Variants in GAB2 observed in about 807,000 individuals in gnomAD.
GAB2 encodes the protein GRB2 associated binding protein 2, also known as GRB2-associated-binding protein 2.
A neutral mutation model predicts 65.5 loss-of-function variants in GAB2; 26 were observed. The ratio of observed to expected loss-of-function variants is 0.40; its 90% CI spans 0.29 to 0.55. GAB2 has a LOEUF of 0.55. Among genes scored for constraint, GAB2 ranks in the 20% least tolerant of loss-of-function variants. GAB2 has a pLI of 0.53. For synonymous variants in GAB2, 321 were observed against 329.6 expected (o/e 0.97, Z 0.28); for missense variants, 884 against 875.8 (o/e 1.01, Z -0.12).
chr11:78,231,336 G>T (rs982665063), intron 3 of GAB2, among the ~76,000 whole-genome samples: 4 of 145,796 alleles, frequency 2.7e-5, no homozygotes, highest in Admixed American at 6.8e-5. Flanking sequence ...GCGCGTGTGT[G>T]GTGTGTGTGT....
chr11:78,255,768 G>A (rs1445350355), intron 2 of GAB2, among the ~76,000 whole-genome samples: 1 of 152,224 alleles, frequency 6.6e-6, no homozygotes, highest in African/African-American at 2.4e-5. Flanking sequence ...CTGATTAGTA[G>A]ACCTGGCACT....
chr11:78,351,583 T>C (rs1451519219), intron 1 of GAB2, among the ~76,000 whole-genome samples: 2 of 152,174 alleles, frequency 1.3e-5, no homozygotes, highest in African/African-American at 2.4e-5. Context: ...TCTCCTTCAA[T>C]AATCTCATTA....
chr11:78,322,740 C>T (rs1591037597), intron 1 of GAB2, among the ~76,000 whole-genome samples: 1 of 150,742 alleles, frequency 6.6e-6, no homozygotes, highest in South Asian at 2.1e-4. Context: ...AGAAATGCAA[C>T]TCAAAACCAC....
intron 1 of GAB2, among the ~76,000 whole-genome samples, chr11:78,402,050 G>C (rs1450239667): frequency 6.6e-6 from 1 of 152,136 alleles, no homozygotes; most frequent in African/African-American, 2.4e-5. Flanking sequence ...TCCAGTTTTT[G>C]AAGATCTTCC....
rs796161663 is a variant in GAB2, at chr11:78,291,555, C to CTTTTTTTTTTTTTTTTTTTTTTTTTTT, written c.76-10655_76-10654insAAAAAAAAAAAAAAAAAAAAAAAAAAA. Among the ~76,000 whole-genome samples the CTTTTTTTTTTTTTTTTTTTTTTTTTTT allele has an allele frequency of 5.4e-5, 3 of 55,058 alleles. 1 individual carries two copies. Among genetic ancestry groups the CTTTTTTTTTTTTTTTTTTTTTTTTTTT allele is most frequent in the Non-Finnish European group, 1.0e-4 (3 of 28,942 alleles). 36.1% of individuals were successfully genotyped at this position (55,058 alleles called of 152,430 possible). A position where few individuals can be genotyped will look rare whatever the true frequency, so the allele number is the denominator to read the frequency against. Reference sequence around the variant, plus strand: ...CCTATCTTGAGAGACTTACTTTTTTCTTTTTCTTTTTTTTTTTTTTTTTTT... The same window carrying CTTTTTTTTTTTTTTTTTTTTTTTTTTT: ...CCTATCTTGAGAGACTTACTTTTTTCTTTTTTTTTTTTTTTTTTTTTTTTTTTTTTTTCTTTTTTTTTTTTTTTTTTT... On this transcript the variant is annotated intron_variant, in intron 1 of 9. Transcript: ENST00000361507.
intron 1 of GAB2, among the ~76,000 whole-genome samples, chr11:78,412,142 A>G (rs1857138336): frequency 6.6e-6 from 1 of 152,016 alleles, no homozygotes; most frequent in Non-Finnish European, 1.5e-5. Flanking sequence ...CCATCTCAAA[A>G]AAAAAAAACC....
At chr11:78,378,332 C>T (rs1014995053) in intron 1 of GAB2, among the ~76,000 whole-genome samples, 14 of 152,114 alleles carry the variant, frequency 9.2e-5, no homozygotes, top group South Asian at 2.1e-4. Context: ...TGCCCAAGGT[C>T]GCCTGGTATC....
intron 1 of GAB2, 38 bp downstream of exon 1, chr11:78,417,607 GC>G (rs1289535544): frequency 1.6e-5 from 18 of 1,152,644 alleles, no homozygotes; most frequent in South Asian, 1.8e-5. Context: ...GCCCCGGAGC[GC>G]CCCCCGCCCG....
rs1047165123 is a variant in GAB2 at position 78,345,973 on chromosome 11, G to T, written c.76-65072C>A. ...TACCAATTTATATTTGATCCTCTCCGTATTAGACAGATAAACTGTCTTTTC... is the reference window on the plus strand; with the variant it reads ...TACCAATTTATATTTGATCCTCTCCTTATTAGACAGATAAACTGTCTTTTC... On this transcript the variant is annotated intron_variant, in intron 1 of 9. Transcript: ENST00000361507. Among the ~76,000 whole-genome samples the T allele has an allele frequency of 4.6e-5, 7 of 152,180 alleles. No homozygotes were observed. In the South Asian group the frequency reaches 1.2e-3, roughly 27 times the overall value.
intron 1 of GAB2, among the ~76,000 whole-genome samples, chr11:78,414,968 C>G (rs945698468): frequency 6.6e-6 from 1 of 152,102 alleles, no homozygotes; most frequent in Non-Finnish European, 1.5e-5. Flanking sequence ...GCCTCCCGGG[C>G]TCACGCGATT....
At chr11:78,362,707 G>A (rs146607592) in intron 1 of GAB2, among the ~76,000 whole-genome samples, 423 of 152,158 alleles carry the variant, frequency 2.8e-3, no homozygotes, top group African/African-American at 9.7e-3. Flanking sequence ...ACATAATCTA[G>A]CTACATACTG....
intron 1 of GAB2, among the ~76,000 whole-genome samples, chr11:78,417,365 T>C (rs1004492095): frequency 6.6e-6 from 1 of 151,646 alleles, no homozygotes; most frequent in African/African-American, 2.4e-5. Flanking sequence ...ACTTCGACAC[T>C]GTATTTAGTT....
intron 1 of GAB2, among the ~76,000 whole-genome samples, chr11:78,403,692 G>A (rs1244414108): frequency 6.6e-6 from 1 of 152,188 alleles, no homozygotes; most frequent in African/African-American, 2.4e-5. Flanking sequence ...GATTTCTTGA[G>A]CAAGACCTCA....
At chr11:78,382,648 G>A (rs1042650022) in intron 1 of GAB2, among the ~76,000 whole-genome samples, 20 of 152,164 alleles carry the variant, frequency 1.3e-4, no homozygotes, top group Non-Finnish European at 2.5e-4. Flanking sequence ...CACCACGCAT[G>A]GAAAGCAATG....
At chr11:78,228,974 T>C (rs1281231785) in intron 3 of GAB2, among the ~76,000 whole-genome samples, 1 of 152,238 alleles carries the variant, frequency 6.6e-6, no homozygotes, top group Non-Finnish European at 1.5e-5. Flanking sequence ...CATTTACTGA[T>C]GTCCTAATTT....
chr11:78,408,479 A>G (rs1857083547), intron 1 of GAB2, among the ~76,000 whole-genome samples: 1 of 152,258 alleles, frequency 6.6e-6, no homozygotes, highest in South Asian at 2.1e-4. Context: ...GCAAGAAGAA[A>G]ACAAAAACAG....
intron 2 of GAB2, among the ~76,000 whole-genome samples, chr11:78,254,646 A>T (rs1324879867): frequency 6.6e-6 from 1 of 152,072 alleles, no homozygotes; most frequent in Non-Finnish European, 1.5e-5. Flanking sequence ...CAAAAATTAA[A>T]AAATTAACTG....
intron 1 of GAB2, among the ~76,000 whole-genome samples, chr11:78,352,670 T>C (rs1856296958): frequency 1.3e-5 from 2 of 152,098 alleles, no homozygotes; most frequent in South Asian, 4.1e-4. Context: ...ACAAATCCCA[T>C]TCCTCATTGA....
At chr11:78,221,270 C>T (rs1244737183) in intron 8 of GAB2, among the ~76,000 whole-genome samples, 2 of 152,234 alleles carry the variant, frequency 1.3e-5, no homozygotes, top group African/African-American at 2.4e-5. Flanking sequence ...GAAATATCCT[C>T]CTCTGCCTGT....
Sources: allele counts gnomAD v4.1 joint callset (sites outside exome capture counted in the v4.1 genomes callset), GRCh38; gene constraint gnomAD v4.1.1; transcripts MANE v1.5; gene names NCBI Gene and HGNC (gene_info 2026-07-23, HGNC 2026-07-21).